Variants in ANKRD11 observed in about 807,000 individuals in gnomAD.
The protein encoded by ANKRD11 is ankyrin repeat domain-containing protein 11.
A neutral mutation model predicts 195.7 loss-of-function variants in ANKRD11; 17 were observed. The observed-to-expected ratio is 0.09, with a 90% CI of 0.06 to 0.13. The LOEUF is 0.13. Ranked by LOEUF, ANKRD11 falls within the 10% of genes least tolerant of loss-of-function variation. The pLI is 1.00. For missense variants in ANKRD11, 3,735 were observed against 3,566.1 expected, an observed-to-expected ratio of 1.05 and a Z score of -1.21; for synonymous variants, 1,953 against 1,528.1, an observed-to-expected ratio of 1.28 and a Z score of -6.49.
At chr16:89,457,530 G>A (rs1306151577) in intron 1 of ANKRD11, among the ~76,000 whole-genome samples, 2 of 150,758 alleles carry the variant, frequency 1.3e-5, no homozygotes, top group African/African-American at 2.4e-5. Flanking sequence ...CCCGGGAGGC[G>A]GAGGCTGCAG....
chr16:89,288,136 GGT>G, intron 7 of ANKRD11: 2 of 601,470 alleles, frequency 3.3e-6, no homozygotes, highest in Non-Finnish European at 3.0e-6. Context: ...CACACCTCTT[GGT>G]GTTACCTCAT....
At chr16:89,325,750 C>T (rs1160835366) in intron 2 of ANKRD11, among the ~76,000 whole-genome samples, 1 of 152,140 alleles carries the variant, frequency 6.6e-6, no homozygotes, top group African/African-American at 2.4e-5. Flanking sequence ...AGCAGTCTTT[C>T]AGAAGGTGAC....
intron 2 of ANKRD11, among the ~76,000 whole-genome samples, chr16:89,413,701 C>T (rs911590323): frequency 6.6e-6 from 1 of 152,194 alleles, no homozygotes; most frequent in East Asian, 1.9e-4. Flanking sequence ...AAACCTAGTC[C>T]TGTGGCTGTC....
At position 89,281,963 on chromosome 16, in the gene ANKRD11, C is replaced by T. The variant is rs777979146; in HGVS notation, c.4579G>A (p.Asp1527Asn). 6.2e-6 allele frequency: 10 copies of T among 1,612,644 alleles called. No homozygotes were observed. The highest frequency in any genetic ancestry group is 3.3e-5 in the Admixed American group (2 of 60,008). The change falls in exon 9 of 13, where the codon GAT becomes AAT. Residue 1527 changes from aspartate to asparagine, a missense_variant. Coordinates refer to ENST00000301030, the MANE Select transcript of ANKRD11 (RefSeq NM_013275.6). This position sits in a 1 kb window ranked among gnomAD's most constrained non-coding sequence, Gnocchi z 5.5. ...KSRDEGPRLG[D>N]AKLKEKFKDG... ...TTGAATTTCTCCTTCAGTTTGGCAT[C>T]GCCGAGCCTCGGGCCCTCGTCCCTG... is the stretch of plus-strand genomic sequence containing the variant.
In ANKRD11 at chr16:89,281,339, G is replaced by C; in HGVS notation, c.5203C>G (p.Leu1735Val). 1 of 1,612,618 alleles carries C rather than the reference G, an allele frequency of 6.2e-7. No individual in the cohort carries two copies. The highest frequency in any genetic ancestry group is 8.5e-7 in the Non-Finnish European group (1 of 1,178,806). Residue 1735 changes from leucine to valine, a missense_variant, in exon 9 of 13, where the codon CTC becomes GTC. Transcript: ENST00000301030. The surrounding 1 kb of genome is among the most constrained non-coding windows in gnomAD (Gnocchi z 5.5). ...TGCGAGTCGGCGCAGTCGAACACGA[G>C]GTCCGCGTAGTCATCGGCGCTGCAG... ...PSCSADDYADLVFDCADSQHS... is the reference protein window; with the variant it reads ...PSCSADDYADVVFDCADSQHS...
chr16:89,348,873 T>TAA (rs754111553), intron 2 of ANKRD11, among the ~76,000 whole-genome samples: 13 of 130,406 alleles, frequency 1.0e-4, no homozygotes, highest in East Asian at 4.3e-4. Flanking sequence ...TTATTGTCTT[T>TAA]AAAAAAAAAA....
At chr16:89,408,171 G>T (rs1020076598) in intron 2 of ANKRD11, among the ~76,000 whole-genome samples, 1 of 152,138 alleles carries the variant, frequency 6.6e-6, no homozygotes, top group Non-Finnish European at 1.5e-5. Context: ...GCACTATGTG[G>T]CAAGCACTGG....
intron 1 of ANKRD11, among the ~76,000 whole-genome samples, chr16:89,422,744 G>C (rs986636180): frequency 1.1e-4 from 17 of 152,292 alleles, no homozygotes; most frequent in African/African-American, 4.1e-4. Flanking sequence ...TTTTGGAAAG[G>C]AACGGAAGTT....
chr16:89,422,278 C>T (rs1418546370), intron 1 of ANKRD11: 1 of 152,150 alleles, frequency 6.6e-6, no homozygotes, highest in East Asian at 1.9e-4. Context: ...GGCACCACTG[C>T]ACTCCACCTG....
At chr16:89,439,565 T>C (rs1342329512) in intron 1 of ANKRD11, among the ~76,000 whole-genome samples, 1 of 152,196 alleles carries the variant, frequency 6.6e-6, no homozygotes, top group Non-Finnish European at 1.5e-5. Flanking sequence ...AAATGCAATG[T>C]GATATTTAGG....
chr16:89,283,902 C>A lies in ANKRD11; in HGVS notation c.2640G>T (p.Thr880=), dbSNP rs374927096. Residue 880 remains threonine (T), a synonymous_variant, in exon 9 of 13, where the codon ACG becomes ACT. Transcript: ENST00000301030. This position sits in a 1 kb window ranked among gnomAD's most constrained non-coding sequence, Gnocchi z 4.3. ...TCCTCTCCTTGCTGTCCTCCTTCAC[C>A]GTCTCCAAGATGAGCTTGGCCACAG... is the stretch of plus-strand genomic sequence containing the variant. ...SDSVAKLILE[T]VKEDSKERRR... is the part of the protein sequence containing the mutation. 1.9e-6 allele frequency: 3 copies of A among 1,614,156 alleles called. No individual in the cohort carries two copies. The highest frequency in any genetic ancestry group is 2.5e-6 in the Non-Finnish European group (3 of 1,180,040).
intron 4 of ANKRD11, among the ~76,000 whole-genome samples, chr16:89,296,663 T>G (rs2035455407): frequency 6.6e-6 from 1 of 152,248 alleles, no homozygotes; most frequent in African/African-American, 2.4e-5. Context: ...GGCTGACCCC[T>G]GCTGACCCTC....
At chr16:89,399,820 G>C (rs539259975) in intron 2 of ANKRD11, among the ~76,000 whole-genome samples, 1 of 152,072 alleles carries the variant, frequency 6.6e-6, no homozygotes, top group Non-Finnish European at 1.5e-5. Flanking sequence ...TTTTTTTAAA[G>C]TGACCATCCT....
intron 3 of ANKRD11, among the ~76,000 whole-genome samples, chr16:89,314,445 A>T (rs559781004): frequency 6.6e-6 from 1 of 152,126 alleles, no homozygotes; most frequent in African/African-American, 2.4e-5. Flanking sequence ...AACAACTCAA[A>T]GCAGCTGAGC....
At chr16:89,348,943 C>G (rs928214833) in intron 2 of ANKRD11, among the ~76,000 whole-genome samples, 1 of 147,310 alleles carries the variant, frequency 6.8e-6, no homozygotes, top group Non-Finnish European at 1.5e-5. Flanking sequence ...GCCTCGTCAA[C>G]ATGGTGAAGC....
rs2043019727 is a variant in ANKRD11, at chr16:89,432,373, C to T, written c.-144-14005G>A. ...CAGGCTGGCAGCCGCTGTTTGTGAC[C>T]TCAGGACCCATCGCCGTGGCAGCCG... On this transcript the variant is annotated intron_variant, in intron 1 of 12. Transcript: ENST00000301030. Among the ~76,000 whole-genome samples the T allele has an allele frequency of 2.6e-5, 4 of 152,046 alleles. No homozygotes were observed. The South Asian group carries it at 8.3e-4, about 31-fold the overall frequency.
At chr16:89,460,978 C>CG (rs1209233530) in intron 1 of ANKRD11, among the ~76,000 whole-genome samples, 3 of 107,232 alleles carry the variant, frequency 2.8e-5, no homozygotes, top group Non-Finnish European at 5.8e-5. Context: ...GACCCCCCCC[C>CG]CCAACAGGAG....
At chr16:89,374,086 C>A (rs2040313896) in intron 2 of ANKRD11, among the ~76,000 whole-genome samples, 1 of 152,200 alleles carries the variant, frequency 6.6e-6, no homozygotes, top group African/African-American at 2.4e-5. Context: ...GGGTGTTAAC[C>A]CGAGACAAAA....
chr16:89,411,604 G>T (rs887732854), intron 2 of ANKRD11, among the ~76,000 whole-genome samples: 1 of 152,012 alleles, frequency 6.6e-6, no homozygotes, highest in Non-Finnish European at 1.5e-5. Flanking sequence ...TGGAGAGATG[G>T]GGTCTTGCCA....
Sources: allele counts gnomAD v4.1 joint callset (sites outside exome capture counted in the v4.1 genomes callset), GRCh38; gene constraint gnomAD v4.1.1; non-coding constraint Gnocchi (gnomAD v3.1); transcripts MANE v1.5; gene names NCBI Gene and HGNC (gene_info 2026-07-23, HGNC 2026-07-21).